Variants in KCNH3 observed in about 807,000 individuals in gnomAD.
KCNH3 encodes voltage-gated inwardly rectifying potassium channel KCNH3.
In KCNH3, 36 loss-of-function variants were observed where a neutral mutation model predicts 95.6. The ratio of observed to expected loss-of-function variants is 0.38; its 90% CI spans 0.29 to 0.50. KCNH3 has a LOEUF of 0.50. KCNH3 is among the 20% of genes least tolerant of loss of function. KCNH3 has a pLI of 0.95. For synonymous variants in KCNH3, 620 were observed against 646.3 expected (o/e 0.96, Z 0.62); for missense variants, 1,030 against 1,484.1 (o/e 0.69, Z 5.03).
Position 49,539,559 on chromosome 12 carries a change from G to A in KCNH3, c.76+67G>A. 7.1e-7 allele frequency: 1 copy of A among 1,413,622 alleles called. No individual in the cohort carries two copies. Among genetic ancestry groups the A allele is most frequent in the Non-Finnish European group, 9.7e-7 (1 of 1,030,218 alleles). 87.6% of individuals were successfully genotyped at this position (1,413,622 alleles called of 1,614,324 possible). ...CCTCGCCAGGGCTCCCGCCTTCCCC[G>A]AACCCCCAGCAGCCCAGCTTGGCGC... is the stretch of plus-strand genomic sequence containing the variant. On this transcript the variant is annotated intron_variant, in intron 1 of 14. Coordinates refer to ENST00000257981, the MANE Select transcript of KCNH3 (RefSeq NM_012284.3). The surrounding 1 kb of genome is among the most constrained non-coding windows in gnomAD (Gnocchi z 6.7).
rs748822122 is a variant in KCNH3 at position 49,544,315 on chromosome 12, C to T, written c.1122C>T (p.Val374=). 4 of 1,613,370 alleles carry T rather than the reference C, an allele frequency of 2.5e-6. No individual in the cohort carries two copies. The highest frequency in any genetic ancestry group is 1.7e-5 in the Admixed American group (1 of 60,008). Residue 374 remains valine, a synonymous_variant, in exon 7 of 15, where the codon GTC becomes GTT. Transcript: ENST00000257981. ...MAVFALLAHW[V]ACVWFYIGQR... ...TGTTCGCCCTGCTCGCGCACTGGGT[C>T]GCCTGCGTCTGGTTTTACATTGGCC...
At chr12:49,543,739 T>C (rs1937954006) in intron 5 of KCNH3, 176 bp from the exon 6 acceptor site, 1 of 1,038,842 alleles carries the variant, frequency 9.6e-7, no homozygotes, top group Non-Finnish European at 1.4e-6. Context: ...TAAAATAGAT[T>C]CCCCCTTTGT....
In KCNH3 at chr12:49,555,946, C is replaced by T; in HGVS notation, c.2463C>T (p.Ser821=). Residue 821 remains serine, a synonymous_variant, in exon 12 of 15, where the codon AGC becomes AGT. Coordinates refer to ENST00000257981, the MANE Select transcript of KCNH3 (RefSeq NM_012284.3). ...PMPWNVPPDL[S]PRVVDGIEDG... is the part of the protein sequence containing the mutation. ...CATGGAATGTGCCCCCAGATCTGAG[C>T]CCCAGGTGAGCAGACCCTAGGCCCC... 6.5e-7 allele frequency: 1 copy of T among 1,527,402 alleles called. No homozygotes were observed. The highest frequency in any genetic ancestry group is 1.8e-5 in the Admixed American group (1 of 55,656). The allele number at this position is 1,527,402 out of a possible 1,614,324, so 94.6% of individuals were successfully genotyped here.
intron 7 of KCNH3, among the ~76,000 whole-genome samples, chr12:49,546,753 T>C (rs1183034219): frequency 6.6e-6 from 1 of 152,198 alleles, no homozygotes; most frequent in Non-Finnish European, 1.5e-5. Context: ...TGGCCAAGAC[T>C]GAAAGATCAG....
chr12:49,542,413 C>T (rs1243639459), intron 3 of KCNH3, among the ~76,000 whole-genome samples: 2 of 152,202 alleles, frequency 1.3e-5, no homozygotes, highest in Admixed American at 1.3e-4. Flanking sequence ...TGTGAGGTAC[C>T]TCCTCGCTTC....
chr12:49,555,871 C>T lies in KCNH3; in HGVS notation c.2388C>T (p.Gly796=). Residue 796 remains glycine, a synonymous_variant, in exon 12 of 15, where the codon GGC becomes GGT. Transcript: ENST00000257981. The part of the protein sequence containing the change: ...GRAGALKAEA[G]PSAPPRALEG... ...CAGGGGCTTTGAAGGCTGAGGCTGG[C>T]CCCTCTGCTCCCCCACGGGCCCTAG... 6.2e-7 allele frequency: 1 copy of T among 1,608,002 alleles called. No homozygotes were observed. Among genetic ancestry groups the T allele is most frequent in the South Asian group, 1.1e-5 (1 of 90,408 alleles).
Position 49,557,229 on chromosome 12 carries a change from C to A in KCNH3, c.2622C>A (p.Asn874Lys), listed in dbSNP as rs879081336. Residue 874 changes from asparagine to lysine, a missense_variant, in exon 14 of 15, where the codon AAC becomes AAA. Physicochemically the swap from Asn to Lys is moderately conservative, Grantham distance 94. Coordinates refer to ENST00000257981, the MANE Select transcript of KCNH3 (RefSeq NM_012284.3). The stretch of plus-strand genomic sequence containing the variant: ...CCCATGGGCCCAGCGAGGCAAGGAA[C>A]ACAGACACACTGGACAAGCTTCGGC... ...TVPHGPSEAR[N>K]TDTLDKLRQA... is the part of the protein sequence containing the mutation. 2 of 1,613,964 alleles carry A rather than the reference C, an allele frequency of 1.2e-6. No individual in the cohort carries two copies. The highest frequency in any genetic ancestry group is 2.2e-5 in the South Asian group (2 of 91,074).
intron 10 of KCNH3, among the ~76,000 whole-genome samples, chr12:49,551,778 C>G (rs1020749955): frequency 2.6e-5 from 4 of 151,332 alleles, no homozygotes; most frequent in Non-Finnish European, 4.4e-5. Flanking sequence ...TGTAGATTCA[C>G]TGTGGGGACT....
At position 49,550,318 on chromosome 12, in the gene KCNH3, T is replaced by A; in HGVS notation, c.1907T>A (p.Leu636His). ...SMEVLKGGTV[L>H]AILGKGDLIG... is the part of the protein sequence containing the mutation. Reference sequence around the variant, plus strand: ...GAGGTGCTCAAGGGTGGCACCGTGCTCGCCATCCTAGGTTTGTGAGGGTGG... The same window carrying A: ...GAGGTGCTCAAGGGTGGCACCGTGCACGCCATCCTAGGTTTGTGAGGGTGG... The change falls in exon 10 of 15, where the codon CTC becomes CAC. Residue 636 changes from leucine (L) to histidine (H), a missense_variant. Leu to His is a moderately conservative substitution (Grantham distance 99, BLOSUM62 -3). Transcript: ENST00000257981. 1.2e-6 allele frequency: 2 copies of A among 1,602,400 alleles called. No homozygotes were observed. Among genetic ancestry groups the A allele is most frequent in the Non-Finnish European group, 1.7e-6 (2 of 1,175,328 alleles).
At chr12:49,554,602 C>A in intron 11 of KCNH3, 48 bp downstream of exon 11, 2 of 1,523,230 alleles carry the variant, frequency 1.3e-6, no homozygotes, top group Non-Finnish European at 9.0e-7. Flanking sequence ...TGCCAGGGAG[C>A]CTGGTGAAGT....
At chr12:49,554,918 G>T (rs1724022492) in intron 11 of KCNH3, among the ~76,000 whole-genome samples, 1 of 152,158 alleles carries the variant, frequency 6.6e-6, no homozygotes, top group Non-Finnish European at 1.5e-5. Flanking sequence ...AGAGAGCCTG[G>T]TGGCCCCCTG....
chr12:49,542,053 T>C (rs1287807474), intron 3 of KCNH3, among the ~76,000 whole-genome samples: 2 of 152,190 alleles, frequency 1.3e-5, no homozygotes, highest in Non-Finnish European at 2.9e-5. Flanking sequence ...TCTGACCAGT[T>C]AATAAGGTTG....
At position 49,541,611 on chromosome 12, in the gene KCNH3, A is replaced by G. The variant is rs762702013; in HGVS notation, c.311-19A>G. 6.2e-7 allele frequency: 1 copy of G among 1,613,372 alleles called. No individual in the cohort carries two copies. Among genetic ancestry groups the G allele is most frequent in the Admixed American group, 1.7e-5 (1 of 59,920 alleles). ...AGTGCTGAGAATAGGAGGTGGGCTG[A>G]GTTTGTTTTTGTGCCCAGGGCTCCC... On this transcript the variant is annotated intron_variant, in intron 2 of 14. Coordinates refer to ENST00000257981, the MANE Select transcript of KCNH3 (RefSeq NM_012284.3).
Position 49,539,550 on chromosome 12 carries a change from G to A in KCNH3, c.76+58G>A, listed in dbSNP as rs1937797414. 1 of 1,471,364 alleles carries A rather than the reference G, an allele frequency of 6.8e-7. No individual in the cohort carries two copies. Among genetic ancestry groups the A allele is most frequent in the Non-Finnish European group, 9.3e-7 (1 of 1,078,936 alleles). The allele number at this position is 1,471,364 out of a possible 1,614,324, so 91.1% of individuals were successfully genotyped here. A position where few individuals can be genotyped will look rare whatever the true frequency, so the allele number is the denominator to read the frequency against. On this transcript the variant is annotated intron_variant, in intron 1 of 14. Coordinates refer to ENST00000257981, the MANE Select transcript of KCNH3 (RefSeq NM_012284.3). This position sits in a 1 kb window ranked among gnomAD's most constrained non-coding sequence, Gnocchi z 6.7. Reference sequence around the variant, plus strand: ...CCGCCGGACCCTCGCCAGGGCTCCCGCCTTCCCCGAACCCCCAGCAGCCCA... The same window carrying A: ...CCGCCGGACCCTCGCCAGGGCTCCCACCTTCCCCGAACCCCCAGCAGCCCA...
At position 49,548,699 on chromosome 12, in the gene KCNH3, T is replaced by C. The variant is rs142825125; in HGVS notation, c.1190-196T>C. 1.9e-3 allele frequency among the ~76,000 whole-genome samples: 294 copies of C among 152,202 alleles called. 1 individual carries two copies. The highest frequency in any genetic ancestry group is 6.6e-3 in the African/African-American group (272 of 41,512). On this transcript the variant is annotated intron_variant, in intron 7 of 14. Coordinates refer to ENST00000257981, the MANE Select transcript of KCNH3 (RefSeq NM_012284.3). ...TCCCTTGTGTCATCCTCAGTGCCAATAGGAGCTGGCTGGGGAAATGGCAGA... is the reference window on the plus strand; with the variant it reads ...TCCCTTGTGTCATCCTCAGTGCCAACAGGAGCTGGCTGGGGAAATGGCAGA...
chr12:49,550,109 C>A lies in KCNH3; in HGVS notation c.1698C>A (p.Arg566=), dbSNP rs370577523. The A allele has an allele frequency of 6.3e-7, 1 of 1,598,432 alleles. No homozygotes were observed. ...TGCAGAGCCTCCCTGACGAGCTGCG[C>A]GCAGACATCGCCATGCACCTGCACA... ...ELLQSLPDEL[R]ADIAMHLHKE... Residue 566 remains arginine, a synonymous_variant, in exon 10 of 15, where the codon CGC becomes CGA. Coordinates refer to ENST00000257981, the MANE Select transcript of KCNH3 (RefSeq NM_012284.3).
Position 49,557,804 on chromosome 12 carries a change from C to T in KCNH3, c.3103C>T (p.Gln1035Ter). Residue 1035 changes from glutamine to a stop codon, truncating the protein, a stop_gained, in exon 15 of 15, where the codon CAG (glutamine) becomes TAG (stop). Transcript: ENST00000257981. LOFTEE classifies it high-confidence loss of function. ...GACTGGGCCCGCAGAGCCTGTGAGC[C>T]AGGCTGAGGCTACCAGCACTGGAGA... Reference protein sequence around the residue: ...ARTGPAEPVSQAEATSTGEPP... With the variant: ...ARTGPAEPVS The T allele has an allele frequency of 6.2e-7, 1 of 1,604,902 alleles. No homozygotes were observed. Among genetic ancestry groups the T allele is most frequent in the South Asian group, 1.1e-5 (1 of 90,762 alleles).
At position 49,551,944 on chromosome 12, in the gene KCNH3, CAA is replaced by C. The variant is rs551549369; in HGVS notation, c.1918+1616_1918+1617del. On this transcript the variant is annotated intron_variant, in intron 10 of 14. Coordinates refer to ENST00000257981, the MANE Select transcript of KCNH3 (RefSeq NM_012284.3). ...AAGAGGATGACCTTCCAGCTGGAAA[CAA>C]GAGGAAAAAAATGCCATCGGGGTCT... is the stretch of plus-strand genomic sequence containing the variant. Among the ~76,000 whole-genome samples, 32 of 152,274 alleles carry C rather than the reference CAA, an allele frequency of 2.1e-4. No homozygotes were observed. In the East Asian group the frequency reaches 3.5e-3, roughly 17 times the overall value.
At chr12:49,554,641 G>T in intron 11 of KCNH3, 87 bp downstream of exon 11, 1 of 1,150,802 alleles carries the variant, frequency 8.7e-7, no homozygotes, top group East Asian at 2.5e-5. Context: ...GTGGAGAGCT[G>T]TGTGTGAAGT....
Sources: allele counts gnomAD v4.1 joint callset (sites outside exome capture counted in the v4.1 genomes callset), GRCh38; gene constraint gnomAD v4.1.1; non-coding constraint Gnocchi (gnomAD v3.1); transcripts MANE v1.5; gene names NCBI Gene and HGNC (gene_info 2026-07-23, HGNC 2026-07-21).